CCDC146: variants seen among roughly 807,000 people sequenced by gnomAD.
CCDC146 encodes coiled-coil domain-containing protein 146.
In CCDC146, 92 loss-of-function variants were observed where a neutral mutation model predicts 119.3. That is an observed-to-expected ratio of 0.77 (90% CI 0.65 to 0.92). The LOEUF (loss-of-function observed/expected upper bound fraction) is 0.92, where lower values mean the gene tolerates loss of function less well. Among genes scored for constraint, CCDC146 ranks in the 40% least tolerant of loss-of-function variants. CCDC146 has a pLI of 0.00. For missense variants in CCDC146, 1,000 were observed against 1,103.0 expected (o/e 0.91, Z 1.32); for synonymous variants, 372 against 371.8 (o/e 1.00, Z -0.01).
intron 2 of CCDC146, among the ~76,000 whole-genome samples, chr7:77,193,119 G>A (rs1791801724): frequency 6.6e-6 from 1 of 151,978 alleles, no homozygotes; most frequent in South Asian, 2.1e-4. Flanking sequence ...AGATGAAGAG[G>A]GCTAACCAGA....
At position 77,294,441 on chromosome 7, in the gene CCDC146, C is replaced by T. The variant is rs1009294634; in HGVS notation, c.2665-222C>T. ...GGAATAATGTGATGCTGAAGCAATA[C>T]AGCCCATGCCAATGAGAGGTAGGTG... On this transcript the variant is annotated intron_variant, in intron 18 of 18. Coordinates refer to ENST00000285871, the MANE Select transcript of CCDC146 (RefSeq NM_020879.3). Among the ~76,000 whole-genome samples, 11 of 148,572 alleles carry T rather than the reference C, an allele frequency of 7.4e-5. 1 individual carries two copies. Among genetic ancestry groups the T allele is most frequent in the East Asian group, 4.0e-4 (2 of 5,034 alleles).
chr7:77,229,738 T>C (rs1390709455), intron 2 of CCDC146, among the ~76,000 whole-genome samples: 2 of 152,242 alleles, frequency 1.3e-5, no homozygotes, highest in African/African-American at 4.8e-5. Flanking sequence ...GTGTTTTCAC[T>C]AATTTGATTT....
chr7:77,148,064 C>T (rs1355172596), intron 1 of CCDC146, among the ~76,000 whole-genome samples: 3 of 152,190 alleles, frequency 2.0e-5, no homozygotes, highest in Non-Finnish European at 4.4e-5. Context: ...GTACCCAGTT[C>T]GAGCTTCCAG....
intron 2 of CCDC146, among the ~76,000 whole-genome samples, chr7:77,182,945 C>T (rs1791611893): frequency 6.6e-6 from 1 of 152,124 alleles, no homozygotes; most frequent in Non-Finnish European, 1.5e-5. Context: ...CTGCTCTGTA[C>T]AGATAATTTG....
At position 77,256,494 on chromosome 7, in the gene CCDC146, T is replaced by A; in HGVS notation, c.669T>A (p.His223Gln). ...AGGAACTAGAAGAATTGTTGGGACA[T>A]CAGGTCGTCCTAAAGGTGTGCTACT... ...EQKELEELLG[H>Q]QVVLKDEVAH... Residue 223 changes from histidine (H) to glutamine (Q), a missense_variant, in exon 6 of 19, where the codon CAT becomes CAA. Physicochemically the swap from His to Gln is conservative, Grantham distance 24. Coordinates refer to ENST00000285871, the MANE Select transcript of CCDC146 (RefSeq NM_020879.3). 2.5e-6 allele frequency: 4 copies of A among 1,605,990 alleles called. No individual in the cohort carries two copies. The highest frequency in any genetic ancestry group is 2.5e-6 in the Non-Finnish European group (3 of 1,177,898).
Position 77,282,623 on chromosome 7 carries a change from G to T in CCDC146, c.1986G>T (p.Glu662Asp). The part of the protein sequence containing the change: ...CIFYEKINIQ[E>D]KMKLNGEIEI... ...TTTATGAAAAAATAAATATCCAAGA[G>T]AAGATGAAACTAAATGGAGAAATTG... is the stretch of plus-strand genomic sequence containing the variant. The change falls in exon 15 of 19, where the codon GAG becomes GAT. Residue 662 changes from glutamate to aspartate, a missense_variant. Glu to Asp is a conservative substitution (Grantham distance 45). Coordinates refer to ENST00000285871, the MANE Select transcript of CCDC146 (RefSeq NM_020879.3). The T allele has an allele frequency of 6.2e-7, 1 of 1,613,210 alleles. No homozygotes were observed. The highest frequency in any genetic ancestry group is 8.5e-7 in the Non-Finnish European group (1 of 1,179,308).
chr7:77,142,214 C>A (rs1013295640), intron 1 of CCDC146, among the ~76,000 whole-genome samples: 1 of 151,956 alleles, frequency 6.6e-6, no homozygotes, highest in African/African-American at 2.4e-5. Flanking sequence ...AAGTTCTGGC[C>A]AGGGCAATCA....
intron 2 of CCDC146, among the ~76,000 whole-genome samples, chr7:77,176,447 A>C (rs1333824494): frequency 6.6e-6 from 1 of 151,002 alleles, no homozygotes; most frequent in Non-Finnish European, 1.5e-5. Flanking sequence ...AAAAGATTCT[A>C]AATTGATGCT....
intron 17 of CCDC146, among the ~76,000 whole-genome samples, chr7:77,288,421 T>A (rs370496811): frequency 1.3e-5 from 2 of 152,362 alleles, no homozygotes; most frequent in East Asian, 3.9e-4. Context: ...TGACTCCTGC[T>A]TCCAACAAAG....
At chr7:77,131,145 G>A (rs1790780547) in intron 1 of CCDC146, among the ~76,000 whole-genome samples, 3 of 151,876 alleles carry the variant, frequency 2.0e-5, no homozygotes, top group Non-Finnish European at 4.4e-5. Flanking sequence ...GGCTTCCCAA[G>A]GCTGGGATTA....
chr7:77,219,531 T>C (rs535703728), intron 2 of CCDC146, among the ~76,000 whole-genome samples: 5 of 152,322 alleles, frequency 3.3e-5, no homozygotes, highest in African/African-American at 9.6e-5. Flanking sequence ...AAGTCAATTA[T>C]AGCATTTACA....
rs921089153 is a variant in CCDC146, at chr7:77,221,428, C to T, written c.157-15519C>T. On this transcript the variant is annotated intron_variant, in intron 2 of 18. Transcript: ENST00000285871. ...TATCAAATTTATGTTCTTTTTCCTT[C>T]ATACACAGGCATGCACATATACACA... Among the ~76,000 whole-genome samples the T allele has an allele frequency of 3.9e-5, 6 of 152,204 alleles. No homozygotes were observed. In the East Asian group the frequency reaches 5.8e-4, roughly 15 times the overall value.
chr7:77,158,681 G>T (rs1287403543), intron 1 of CCDC146, among the ~76,000 whole-genome samples: 1 of 151,786 alleles, frequency 6.6e-6, no homozygotes, highest in Non-Finnish European at 1.5e-5. Flanking sequence ...CACCATGCCC[G>T]GCTAATTTTT....
intron 3 of CCDC146, among the ~76,000 whole-genome samples, chr7:77,241,411 T>G (rs954106946): frequency 1.5e-5 from 1 of 65,238 alleles, no homozygotes; most frequent in Non-Finnish European, 4.8e-5. Context: ...TTTCTCAGTT[T>G]GGAATTTTTC....
Position 77,139,456 on chromosome 7 carries a change from A to C in CCDC146, c.-12+16724A>C, listed in dbSNP as rs369994797. Among the ~76,000 whole-genome samples, 69 of 152,316 alleles carry C rather than the reference A, an allele frequency of 4.5e-4. 1 individual carries two copies. In the East Asian group the frequency reaches 0.012, roughly 27 times the overall value. Reference sequence around the variant, plus strand: ...TAACGATGGATACCTGTCATTATACATTTGTTCAGATACCTAGAATGTACA... The same window carrying C: ...TAACGATGGATACCTGTCATTATACCTTTGTTCAGATACCTAGAATGTACA... On this transcript the variant is annotated intron_variant, in intron 1 of 18. Coordinates refer to ENST00000285871, the MANE Select transcript of CCDC146 (RefSeq NM_020879.3).
intron 1 of CCDC146, among the ~76,000 whole-genome samples, chr7:77,133,468 A>T (rs573247737): frequency 6.6e-6 from 1 of 152,036 alleles, no homozygotes; most frequent in Admixed American, 6.5e-5. Flanking sequence ...CTCCTGCCTC[A>T]TCCCCACTTA....
intron 1 of CCDC146, among the ~76,000 whole-genome samples, chr7:77,162,248 A>G (rs1436713504): frequency 6.6e-6 from 1 of 151,734 alleles, no homozygotes; most frequent in Non-Finnish European, 1.5e-5. Flanking sequence ...CTTTTTTCCT[A>G]TGTTTTCTTC....
intron 6 of CCDC146, among the ~76,000 whole-genome samples, chr7:77,257,044 T>G (rs1179802396): frequency 6.6e-6 from 1 of 152,066 alleles, no homozygotes; most frequent in African/African-American, 2.4e-5. Flanking sequence ...AGGTGGAGAT[T>G]GCAGTGAGCT....
intron 1 of CCDC146, among the ~76,000 whole-genome samples, chr7:77,160,118 A>G (rs1584032631): frequency 6.6e-6 from 1 of 152,146 alleles, no homozygotes; most frequent in African/African-American, 2.4e-5. Flanking sequence ...ATTCTGTTCC[A>G]TTGATCTATA....
Sources: allele counts gnomAD v4.1 joint callset (sites outside exome capture counted in the v4.1 genomes callset), GRCh38; gene constraint gnomAD v4.1.1; transcripts MANE v1.5; gene names NCBI Gene and HGNC (gene_info 2026-07-23, HGNC 2026-07-21).